The following EIF3B variants were observed in gnomAD, a reference collection of about 807,000 sequenced individuals.
EIF3B encodes eukaryotic translation initiation factor 3 subunit 9.
EIF3B carries 10 observed loss-of-function variants against 104.6 expected under a neutral mutation model. The ratio of observed to expected loss-of-function variants is 0.10; its 90% CI spans 0.06 to 0.16. The LOEUF (loss-of-function observed/expected upper bound fraction) is 0.16. Ranked by LOEUF, EIF3B falls within the 10% of genes least tolerant of loss-of-function variation. EIF3B has a pLI of 1.00. For synonymous variants in EIF3B, 542 were observed against 417.2 expected (o/e 1.30, Z -3.65); for missense variants, 1,014 against 1,087.9 (o/e 0.93, Z 0.96).
At chr7:2,369,771 T>A (rs1780222493) in intron 10 of EIF3B, 89 bp downstream of exon 10, 5 of 224,946 alleles carry the variant, frequency 2.2e-5, no homozygotes, top group African/African-American at 4.7e-5. Context: ...ATGGATTTTT[T>A]TTTTTTTTTT....
At chr7:2,355,582 C>T (rs1162156151) in intron 1 of EIF3B, among the ~76,000 whole-genome samples, 162 bp downstream of exon 1, 3 of 152,124 alleles carry the variant, frequency 2.0e-5, no homozygotes, top group Non-Finnish European at 4.4e-5. Flanking sequence ...CCCGAGTGCC[C>T]TGGAAGTGTT....
chr7:2,372,338 G>A (rs548801257), intron 11 of EIF3B: 21 of 267,324 alleles, frequency 7.9e-5, no homozygotes, highest in South Asian at 3.2e-4. Context: ...CAGGGAGACC[G>A]GAGGTCAGGA....
At chr7:2,355,444 G>A (rs1253341806) in intron 1 of EIF3B, 24 bp downstream of exon 1, 2 of 1,422,932 alleles carry the variant, frequency 1.4e-6, no homozygotes, top group Non-Finnish European at 1.8e-6. Context: ...GGGCGGGGCT[G>A]GCGAGCGGCG....
intron 1 of EIF3B, among the ~76,000 whole-genome samples, chr7:2,357,765 A>G (rs1266670730): frequency 2.6e-5 from 4 of 152,310 alleles, no homozygotes; most frequent in Non-Finnish European, 5.9e-5. Flanking sequence ...TTGTGTCTTC[A>G]TGGTGTAGTT....
chr7:2,378,648 C>A (rs747122866), intron 15 of EIF3B, 41 bp from the exon 16 acceptor site: 42 of 1,567,790 alleles, frequency 2.7e-5, no homozygotes, highest in Non-Finnish European at 3.6e-5. Context: ...GTGCTTGTTG[C>A]TTTGAATGTT....
chr7:2,367,259 A>G, intron 9 of EIF3B: 1 of 521,114 alleles, frequency 1.9e-6, no homozygotes, highest in Non-Finnish European at 3.4e-6. Context: ...CCCTCGGTCC[A>G]GCCTTCCCTG....
In EIF3B at chr7:2,379,246, A is replaced by G. The variant is rs1343973783; in HGVS notation, c.2341+4A>G. ...GAGCGCCTGGAGTTGCGAGGAGGTA[A>G]CTTAGAGATCCCTCAGTCCCCAGGA... On this transcript the variant is annotated splice_donor_region_variant and intron_variant, in intron 17 of 18. Transcript: ENST00000360876. 4.3e-6 allele frequency: 7 copies of G among 1,609,656 alleles called. No homozygotes were observed. Among genetic ancestry groups the G allele is most frequent in the Admixed American group, 1.7e-5 (1 of 59,568 alleles).
chr7:2,361,830 G>A (rs1486053783), intron 2 of EIF3B, among the ~76,000 whole-genome samples: 1 of 152,060 alleles, frequency 6.6e-6, no homozygotes, highest in Non-Finnish European at 1.5e-5. Flanking sequence ...AGGCTGGAGT[G>A]CAGTGGTGTG....
intron 14 of EIF3B, chr7:2,376,034 G>GGT (rs1256962743): frequency 6.4e-6 from 1 of 155,912 alleles, no homozygotes; most frequent in Non-Finnish European, 1.4e-5. Context: ...ACCAAACGCG[G>GGT]GTAATTTTGT....
chr7:2,374,025 C>G (rs1780502603), intron 12 of EIF3B: 1 of 152,978 alleles, frequency 6.5e-6, no homozygotes, highest in Non-Finnish European at 1.5e-5. Flanking sequence ...CTGAGGGGGA[C>G]TTGAGCCAGC....
At chr7:2,373,949 A>G (rs1210106060) in intron 12 of EIF3B, 1 of 152,222 alleles carries the variant, frequency 6.6e-6, no homozygotes, top group Non-Finnish European at 1.5e-5. Flanking sequence ...TTTTGGATGT[A>G]CCACAGGCTG....
Position 2,363,753 on chromosome 7 carries a change from A to G in EIF3B, c.992A>G (p.Glu331Gly). Residue 331 changes from glutamate to glycine, a missense_variant, in exon 5 of 19, where the codon GAA (glutamate) becomes GGA (glycine). Transcript: ENST00000360876. ...NDVKDPVSIE[E>G]RARWTETYVR... is the part of the protein sequence containing the mutation. ...GTAAAAGACCCTGTCTCAATTGAAG[A>G]AAGAGCGGTGTGTATTTGCTGCTGC... The G allele has an allele frequency of 4.3e-6, 7 of 1,613,586 alleles. No homozygotes were observed. The highest frequency in any genetic ancestry group is 5.9e-6 in the Non-Finnish European group (7 of 1,179,910).
intron 13 of EIF3B, 94 bp from the exon 14 acceptor site, chr7:2,375,295 T>C: frequency 1.3e-6 from 2 of 1,553,924 alleles, no homozygotes; most frequent in East Asian, 2.3e-5. Flanking sequence ...CGAGGCTGGC[T>C]CCCTGGGGAC....
intron 1 of EIF3B, among the ~76,000 whole-genome samples, chr7:2,356,925 A>G (rs1779478308): frequency 6.6e-6 from 1 of 152,176 alleles, no homozygotes; most frequent in African/African-American, 2.4e-5. Context: ...CTTTGGGAAC[A>G]TCTAGTCTAC....
intron 15 of EIF3B, chr7:2,378,486 G>C (rs1199254354): frequency 5.5e-6 from 1 of 180,934 alleles, no homozygotes; most frequent in Non-Finnish European, 1.1e-5. Flanking sequence ...TGTCATGGAG[G>C]AAGGAGCAGG....
chr7:2,378,832 C>G (rs1158445113), intron 16 of EIF3B, 66 bp downstream of exon 16: 1 of 1,396,142 alleles, frequency 7.2e-7, no homozygotes, highest in Non-Finnish European at 1.0e-6. Context: ...GGCGGGGCTG[C>G]GGGGAGCTGC....
intron 12 of EIF3B, 123 bp downstream of exon 12, chr7:2,372,918 G>A (rs1364373234): frequency 3.4e-5 from 39 of 1,149,414 alleles, no homozygotes; most frequent in Non-Finnish European, 3.7e-5. Context: ...ACTCGCCTAT[G>A]AATGGGGTGT....
At chr7:2,378,906 T>G in intron 16 of EIF3B, 140 bp downstream of exon 16, 1 of 831,542 alleles carries the variant, frequency 1.2e-6, no homozygotes, top group Non-Finnish European at 1.9e-6. Flanking sequence ...CCAGGAGGGA[T>G]GCACTGGGGA....
At chr7:2,359,499 T>G (rs1779623456) in intron 1 of EIF3B, among the ~76,000 whole-genome samples, 1 of 152,238 alleles carries the variant, frequency 6.6e-6, no homozygotes, top group Non-Finnish European at 1.5e-5. Flanking sequence ...GGTGGTGGCC[T>G]GGAGAGCACA....
Sources: allele counts gnomAD v4.1 joint callset (sites outside exome capture counted in the v4.1 genomes callset), GRCh38; gene constraint gnomAD v4.1.1; transcripts MANE v1.5; gene names NCBI Gene and HGNC (gene_info 2026-07-23, HGNC 2026-07-21).